BIN2: variants seen among roughly 807,000 people sequenced by gnomAD.
BIN2 encodes breast cancer associated protein BRAP1.
In BIN2, 43 loss-of-function variants were observed where a neutral mutation model predicts 67.9. The ratio of observed to expected loss-of-function variants is 0.63; its 90% CI spans 0.50 to 0.82. The LOEUF (loss-of-function observed/expected upper bound fraction) is 0.82, where lower values mean the gene tolerates loss of function less well. Ranked by LOEUF, BIN2 falls within the 40% of genes least tolerant of loss-of-function variation. BIN2 has a pLI of 0.00. For synonymous variants in BIN2, 244 were observed against 246.8 expected, an observed-to-expected ratio of 0.99 and a Z score of 0.11; for missense variants, 581 against 671.6, an observed-to-expected ratio of 0.87 and a Z score of 1.49.
chr12:51,315,613 G>A (rs1299817105), intron 1 of BIN2, among the ~76,000 whole-genome samples: 3 of 152,156 alleles, frequency 2.0e-5, no homozygotes, highest in Non-Finnish European at 4.4e-5. Flanking sequence ...TTGAGAGACT[G>A]TTTTCAGCTA....
chr12:51,283,374 C>T (rs980569327), intron 12 of BIN2, among the ~76,000 whole-genome samples: 53 of 151,972 alleles, frequency 3.5e-4, no homozygotes, highest in African/African-American at 1.2e-3. Context: ...GATGACAGGT[C>T]CATTTGTGGT....
At chr12:51,292,860 T>C (rs953143412) in intron 9 of BIN2, among the ~76,000 whole-genome samples, 1 of 152,158 alleles carries the variant, frequency 6.6e-6, no homozygotes, top group African/African-American at 2.4e-5. Flanking sequence ...TTCCTAACTT[T>C]GTGCTTTTTG....
intron 1 of BIN2, among the ~76,000 whole-genome samples, chr12:51,316,354 G>GCA (rs1946132293): frequency 6.6e-6 from 1 of 150,792 alleles, no homozygotes; most frequent in Non-Finnish European, 1.5e-5. Flanking sequence ...AAATTAGCCG[G>GCA]GAGTGGTGGC....
rs1455990768 is a variant in BIN2 at position 51,324,011 on chromosome 12, C to T, written c.81+11G>A. ...TGTGGGCCAGACAGACAGCGAGGCC[C>T]GGCCACCTACCTTCTCCTGGGCCCT... On this transcript the variant is annotated intron_variant, in intron 1 of 12. Transcript: ENST00000615107. 2 of 1,612,714 alleles carry T rather than the reference C, an allele frequency of 1.2e-6. No homozygotes were observed. Among genetic ancestry groups the T allele is most frequent in the East Asian group, 4.5e-5 (2 of 44,746 alleles).
Position 51,291,997 on chromosome 12 carries a change from G to T in BIN2, c.1109C>A (p.Pro370Gln). ...CCCTGAAGGGCTCAGGGCTCCGCCT[G>T]GTGATGGAGTTGTGGAGCTGGGGAG... The part of the protein sequence containing the change: ...EVLPSSTTPS[P>Q]GGALSPSGQP... Residue 370 changes from proline to glutamine, a missense_variant, in exon 10 of 13, where the codon CCA becomes CAA. By Grantham distance (76) the Pro-to-Gln change is moderately conservative. Coordinates refer to ENST00000615107, the MANE Select transcript of BIN2 (RefSeq NM_016293.4). 1 of 1,614,230 alleles carries T rather than the reference G, an allele frequency of 6.2e-7. No individual in the cohort carries two copies. Among genetic ancestry groups the T allele is most frequent in the African/African-American group, 1.3e-5 (1 of 75,040 alleles).
At chr12:51,324,667 A>C, upstream of BIN2, 1 of 831,138 alleles carries the variant, frequency 1.2e-6, no homozygotes, top group Non-Finnish European at 1.7e-6. Flanking sequence ...AGAGAGAAAC[A>C]GGCCGGGCGC....
At chr12:51,283,454 G>A (rs1439039740) in intron 12 of BIN2, among the ~76,000 whole-genome samples, 2 of 151,994 alleles carry the variant, frequency 1.3e-5, no homozygotes, top group South Asian at 2.1e-4. Context: ...GATCCTGACC[G>A]TAGGCCAATG....
At chr12:51,306,504 G>T (rs1945869392) in intron 2 of BIN2, among the ~76,000 whole-genome samples, 1 of 152,192 alleles carries the variant, frequency 6.6e-6, no homozygotes, top group African/African-American at 2.4e-5. Flanking sequence ...GTGGGTGCCA[G>T]TAATCCCAAC....
At chr12:51,293,941 G>T (rs1439658099) in intron 9 of BIN2, among the ~76,000 whole-genome samples, 1 of 152,144 alleles carries the variant, frequency 6.6e-6, no homozygotes, top group Admixed American at 6.6e-5. Flanking sequence ...TAAGGGTCAA[G>T]AAGCCCCATG....
Position 51,292,068 on chromosome 12 carries a change from G to A in BIN2, c.1038C>T (p.Ala346=), listed in dbSNP as rs1945398810. 6.2e-7 allele frequency: 1 copy of A among 1,614,130 alleles called. No individual in the cohort carries two copies. Among genetic ancestry groups the A allele is most frequent in the South Asian group, 1.1e-5 (1 of 91,086 alleles). The change falls in exon 10 of 13, where the codon GCC becomes GCT. Residue 346 remains alanine (A), a synonymous_variant. Transcript: ENST00000615107. ...PLPACNGPAQ[A]QPSPTTERAK... is the part of the protein sequence containing the mutation. Reference sequence around the variant, plus strand: ...CCCTTTCAGTGGTAGGAGAGGGCTGGGCCTGGGCGGGGCCATTGCAGGCTG... The same window carrying A: ...CCCTTTCAGTGGTAGGAGAGGGCTGAGCCTGGGCGGGGCCATTGCAGGCTG...
At chr12:51,283,839 A>G (rs1442115109) in intron 12 of BIN2, among the ~76,000 whole-genome samples, 1 of 152,010 alleles carries the variant, frequency 6.6e-6, no homozygotes. Flanking sequence ...TACTAAAAGT[A>G]CAAAATTAGC....
Position 51,305,920 on chromosome 12 carries a change from G to A in BIN2, c.163-2779C>T, listed in dbSNP as rs546982794. ...GTGATCTTGGCTCACTGCAACCTCC[G>A]CCTCCTGGGTTCAAGCGACAATTCT... is the stretch of plus-strand genomic sequence containing the variant. On this transcript the variant is annotated intron_variant, in intron 2 of 12. Coordinates refer to ENST00000615107, the MANE Select transcript of BIN2 (RefSeq NM_016293.4). Among the ~76,000 whole-genome samples the A allele has an allele frequency of 6.7e-5, 9 of 134,226 alleles. No individual in the cohort carries two copies. In the Middle Eastern group the frequency reaches 0.015, roughly 226 times the overall value. The allele number at this position is 134,226 out of a possible 152,430, so 88.1% of individuals were successfully genotyped here.
Position 51,324,103 on chromosome 12 carries a change from C to T in BIN2, c.-1G>A, listed in dbSNP as rs768291835. 8.5e-5 allele frequency: 137 copies of T among 1,613,014 alleles called. No homozygotes were observed. The highest frequency in any genetic ancestry group is 1.1e-4 in the Non-Finnish European group (128 of 1,179,520). On this transcript the variant is annotated 5_prime_UTR_variant, in exon 1 of 13. Coordinates refer to ENST00000615107, the MANE Select transcript of BIN2 (RefSeq NM_016293.4). ...CGCCGCCTGCCTTGCCCTCTGCCAT[C>T]CTGCCAACTCCCTGGGGGCCGCCGC... is the stretch of plus-strand genomic sequence containing the variant.
chr12:51,311,867 G>A (rs1347457937), intron 2 of BIN2, among the ~76,000 whole-genome samples: 3 of 151,964 alleles, frequency 2.0e-5, no homozygotes, highest in Non-Finnish European at 4.4e-5. Context: ...CGCCTCCCAG[G>A]TTCAAGCAAT....
intron 7 of BIN2, among the ~76,000 whole-genome samples, chr12:51,298,741 A>C (rs1945636770): frequency 6.6e-6 from 1 of 152,078 alleles, no homozygotes; most frequent in Non-Finnish European, 1.5e-5. Context: ...AAAAAAGGAT[A>C]CAAATGGAGT....
chr12:51,284,721 C>G lies in BIN2; in HGVS notation c.1663G>C (p.Glu555Gln), dbSNP rs1341312649. Reference protein sequence around the residue: ...NNNLTAPEPQEEVSTSENPQL With the variant: ...NNNLTAPEPQQEVSTSENPQL ...CTCTGTATATCTGGTCTTACCTCTT[C>G]TTGAGGTTCAGGTGCTGTGAGGTTG... is the stretch of plus-strand genomic sequence containing the variant. Residue 555 changes from glutamate to glutamine, a missense_variant, in exon 12 of 13, where the codon GAA becomes CAA. Transcript: ENST00000615107. 1.2e-6 allele frequency: 2 copies of G among 1,608,760 alleles called. No homozygotes were observed. Among genetic ancestry groups the G allele is most frequent in the South Asian group, 1.1e-5 (1 of 90,952 alleles).
chr12:51,281,313 C>T lies in BIN2; in HGVS notation c.*186G>A. ...TAATGTTCTCTTCTCCCCAGCCTGC[C>T]TCCCTCCATCCCTCCCGTAAGGCTG... On this transcript the variant is annotated 3_prime_UTR_variant, in exon 13 of 13. Transcript: ENST00000615107. 1 of 618,932 alleles carries T rather than the reference C, an allele frequency of 1.6e-6. No homozygotes were observed. The highest frequency in any genetic ancestry group is 2.9e-6 in the Non-Finnish European group (1 of 340,502). The allele number at this position is 618,932 out of a possible 1,614,324, so 38.3% of individuals were successfully genotyped here. A position where few individuals can be genotyped will look rare whatever the true frequency, so the allele number is the denominator to read the frequency against.
intron 6 of BIN2, 63 bp from the exon 7 acceptor site, chr12:51,299,351 C>T: frequency 6.9e-6 from 10 of 1,446,356 alleles, no homozygotes; most frequent in Admixed American, 1.7e-5. Context: ...CAGCATGCCT[C>T]CTTCATCCTC....
rs1418014542 is a variant in BIN2, at chr12:51,281,547, T to G, written c.1669-19A>C. 1.9e-6 allele frequency: 3 copies of G among 1,613,990 alleles called. No homozygotes were observed. Among genetic ancestry groups the G allele is most frequent in the Admixed American group, 3.3e-5 (2 of 60,002 alleles). On this transcript the variant is annotated intron_variant, in intron 12 of 12. Transcript: ENST00000615107. Reference sequence around the variant, plus strand: ...TGGATACCTGGAAAGTAAACATGATTGTGTTAGGTGTTGACCTGCCTTCCC... The same window carrying G: ...TGGATACCTGGAAAGTAAACATGATGGTGTTAGGTGTTGACCTGCCTTCCC...
Sources: allele counts gnomAD v4.1 joint callset (sites outside exome capture counted in the v4.1 genomes callset), GRCh38; gene constraint gnomAD v4.1.1; transcripts MANE v1.5; gene names NCBI Gene and HGNC (gene_info 2026-07-23, HGNC 2026-07-21).